The following GDAP1 variants were observed in gnomAD, a reference collection of about 807,000 sequenced individuals.
GDAP1 encodes ganglioside-induced differentiation-associated protein 1.
In GDAP1, 34 loss-of-function variants were observed where a neutral mutation model predicts 40.1. That is an observed-to-expected ratio of 0.85 (90% CI 0.64 to 1.13). The LOEUF (loss-of-function observed/expected upper bound fraction) is 1.13. Among genes scored for constraint, GDAP1 ranks in the 50% most tolerant of loss-of-function variants. GDAP1 has a pLI of 0.00. For missense variants in GDAP1, 374 were observed against 433.7 expected, an observed-to-expected ratio of 0.86 and a Z score of 1.22; for synonymous variants, 170 against 157.4, an observed-to-expected ratio of 1.08 and a Z score of -0.60.
Position 74,453,949 on chromosome 8 carries a change from A to ATG in GDAP1, c.166-34729_166-34728insTG, listed in dbSNP as rs1806310415. The stretch of plus-strand genomic sequence containing the variant: ...CTACTATTCTGAAGAAAACACACAC[A>ATG]CACACACACACACACACACACACAC... On this transcript the variant is annotated intron_variant, in intron 2 of 2. Coordinates refer to the GDAP1 transcript ENST00000523640. Among the ~76,000 whole-genome samples the ATG allele has an allele frequency of 2.5e-5, 2 of 79,512 alleles. 1 individual carries two copies. The highest frequency in any genetic ancestry group is 1.1e-4 in the African/African-American group (2 of 17,770). 52.2% of individuals were successfully genotyped at this position (79,512 alleles called of 152,430 possible). A position where few individuals can be genotyped will look rare whatever the true frequency, so the allele number is the denominator to read the frequency against.
chr8:74,464,929 T>G (rs1347884057), intron 2 of GDAP1, among the ~76,000 whole-genome samples: 3 of 152,150 alleles, frequency 2.0e-5, no homozygotes, highest in Non-Finnish European at 4.4e-5. Flanking sequence ...CATCTAAACT[T>G]AAGCTGTCGG....
intron 2 of GDAP1, among the ~76,000 whole-genome samples, chr8:74,442,711 G>T (rs1317912122): frequency 6.6e-6 from 1 of 152,148 alleles, no homozygotes; most frequent in Non-Finnish European, 1.5e-5. Flanking sequence ...TGTCAGCACA[G>T]GAGAGCAAAT....
intron 2 of GDAP1, among the ~76,000 whole-genome samples, chr8:74,441,910 A>G (rs966523918): frequency 6.6e-6 from 1 of 152,158 alleles, no homozygotes; most frequent in Non-Finnish European, 1.5e-5. Flanking sequence ...AGACATACCC[A>G]TATCCACCTC....
intron 2 of GDAP1, among the ~76,000 whole-genome samples, chr8:74,379,850 C>A (rs995940723): frequency 2.6e-5 from 4 of 152,120 alleles, no homozygotes; most frequent in Non-Finnish European, 5.9e-5. Flanking sequence ...GGAGCAGAGA[C>A]CTGCCTCAAT....
intron 2 of GDAP1, among the ~76,000 whole-genome samples, chr8:74,437,992 C>T (rs952425136): frequency 1.6e-4 from 24 of 151,772 alleles, no homozygotes; most frequent in African/African-American, 4.6e-4. Context: ...CTGAGTAGGC[C>T]GGGCATGGTG....
chr8:74,354,823 GA>G (rs1366372135), intron 2 of GDAP1, among the ~76,000 whole-genome samples: 1 of 152,172 alleles, frequency 6.6e-6, no homozygotes, highest in Non-Finnish European at 1.5e-5. Flanking sequence ...TAACTTTGAG[GA>G]ATGTTGATGA....
At chr8:74,449,065 G>A (rs1194465709) in intron 2 of GDAP1, among the ~76,000 whole-genome samples, 1 of 151,754 alleles carries the variant, frequency 6.6e-6, no homozygotes, top group Non-Finnish European at 1.5e-5. Context: ...TTTTTTCTAT[G>A]TATTTATCTG....
intron 2 of GDAP1, among the ~76,000 whole-genome samples, chr8:74,437,147 A>G (rs1196317208): frequency 6.6e-6 from 1 of 152,210 alleles, no homozygotes; most frequent in Admixed American, 6.5e-5. Flanking sequence ...CGAGTTTCAA[A>G]TTAATTTTAA....
At chr8:74,402,978 G>T (rs1805580408) in intron 2 of GDAP1, among the ~76,000 whole-genome samples, 2 of 149,956 alleles carry the variant, frequency 1.3e-5, no homozygotes, top group Admixed American at 1.3e-4. Context: ...AAGTTAATGA[G>T]AAAAAAGTTA....
At chr8:74,388,765 A>G (rs1018780011) in intron 2 of GDAP1, among the ~76,000 whole-genome samples, 13 of 152,258 alleles carry the variant, frequency 8.5e-5, no homozygotes, top group Admixed American at 4.6e-4. Flanking sequence ...TCTGTCTAAT[A>G]TCGACAGTGA....
At chr8:74,357,018 T>A (rs184646505) in intron 2 of GDAP1, among the ~76,000 whole-genome samples, 1 of 152,226 alleles carries the variant, frequency 6.6e-6, no homozygotes, top group East Asian at 1.9e-4. Flanking sequence ...CCCAGCCTAT[T>A]ATTGAATTTT....
At chr8:74,367,904 C>A (rs991378029), downstream of GDAP1, among the ~76,000 whole-genome samples, 1 of 152,108 alleles carries the variant, frequency 6.6e-6, no homozygotes, top group Non-Finnish European at 1.5e-5. Flanking sequence ...GAGAGATTGG[C>A]ATTGGTGAGA....
At chr8:74,484,058 A>G (rs1806746024) in intron 2 of GDAP1, among the ~76,000 whole-genome samples, 1 of 152,200 alleles carries the variant, frequency 6.6e-6, no homozygotes, top group Non-Finnish European at 1.5e-5. Context: ...TCAATCTACA[A>G]TTGTACACAA....
chr8:74,366,684 C>A lies in GDAP1; in HGVS notation c.*2317C>A. On this transcript the variant is annotated 3_prime_UTR_variant, in exon 6 of 6. Transcript: ENST00000220822. Reference sequence around the variant, plus strand: ...ACACACATAAATACTATTGTTATTGCAGCAGATGCCTTTTGAATCCATTTT... The same window carrying A: ...ACACACATAAATACTATTGTTATTGAAGCAGATGCCTTTTGAATCCATTTT... 1 of 452,718 alleles carries A rather than the reference C, an allele frequency of 2.2e-6. No homozygotes were observed. Among genetic ancestry groups the A allele is most frequent in the Non-Finnish European group, 4.4e-6 (1 of 226,096 alleles). 28.0% of individuals were successfully genotyped at this position (452,718 alleles called of 1,614,324 possible). A position where few individuals can be genotyped will look rare whatever the true frequency, so the allele number is the denominator to read the frequency against.
intron 2 of GDAP1, among the ~76,000 whole-genome samples, chr8:74,397,590 C>T (rs1388633669): frequency 2.6e-5 from 4 of 152,084 alleles, no homozygotes; most frequent in Non-Finnish European, 5.9e-5. Context: ...CCAGTTTTCC[C>T]AGCACCATTT....
intron 2 of GDAP1, among the ~76,000 whole-genome samples, chr8:74,424,860 A>G (rs1046143345): frequency 6.6e-6 from 1 of 151,254 alleles, no homozygotes; most frequent in African/African-American, 2.4e-5. Flanking sequence ...CCAAGACTCT[A>G]CCTGCCACTA....
In GDAP1 at chr8:74,454,657, T is replaced by A. The variant is rs1363133347; in HGVS notation, c.166-34021T>A. Among the ~76,000 whole-genome samples the A allele has an allele frequency of 1.8e-4, 4 of 22,420 alleles. 2 individuals are homozygous for A. The highest frequency in any genetic ancestry group is 8.4e-4 in the Admixed American group (2 of 2,374). 14.7% of individuals were successfully genotyped at this position (22,420 alleles called of 152,430 possible). On this transcript the variant is annotated intron_variant, in intron 2 of 2. Coordinates refer to the GDAP1 transcript ENST00000523640. ...GGGATCATAAATAAGAAAAATGGATTTACATTTCTGCTCAGTCATTGCTCT... is the reference window on the plus strand; with the variant it reads ...GGGATCATAAATAAGAAAAATGGATATACATTTCTGCTCAGTCATTGCTCT...
Position 74,364,214 on chromosome 8 carries a change from A to G in GDAP1, c.924A>G (p.Ala308=). ...NILISAVLPT[A]FRVAKKRAPK... is the part of the protein sequence containing the mutation. ...TAATCTCTGCAGTGCTGCCAACAGC[A>G]TTCCGGGTGGCCAAGAAAAGGGCCC... is the stretch of plus-strand genomic sequence containing the variant. Residue 308 remains alanine (A), a synonymous_variant, in exon 6 of 6, where the codon GCA becomes GCG. Coordinates refer to ENST00000220822, the MANE Select transcript of GDAP1 (RefSeq NM_018972.4). The G allele has an allele frequency of 1.2e-6, 2 of 1,614,218 alleles. No individual in the cohort carries two copies. Among genetic ancestry groups the G allele is most frequent in the Non-Finnish European group, 1.7e-6 (2 of 1,180,022 alleles).
At chr8:74,471,306 C>T (rs889527326) in intron 2 of GDAP1, among the ~76,000 whole-genome samples, 18 of 151,862 alleles carry the variant, frequency 1.2e-4, no homozygotes, top group African/African-American at 2.4e-4. Context: ...GGTGTTTGCC[C>T]GCTTTTAAAA....
Sources: gnomAD v4.1 joint callset for allele counts (sites outside exome capture counted in the v4.1 genomes callset) on GRCh38, gnomAD v4.1.1 for gene constraint, MANE v1.5 for transcripts, NCBI Gene and HGNC (gene_info 2026-07-23, HGNC 2026-07-21) for gene names.